The following DOCK9 variants were observed in gnomAD, a reference collection of about 807,000 sequenced individuals.
The protein encoded by DOCK9 is dedicator of cytokinesis 9.
DOCK9 carries 89 observed loss-of-function variants against 263.3 expected under a neutral mutation model. The observed-to-expected ratio is 0.34, with a 90% CI of 0.28 to 0.40. The LOEUF (loss-of-function observed/expected upper bound fraction) is 0.40. Among genes scored for constraint, DOCK9 ranks in the 10% least tolerant of loss-of-function variants. The pLI is 1.00. For synonymous variants in DOCK9, 976 were observed against 973.1 expected, an observed-to-expected ratio of 1.00 and a Z score of -0.06; for missense variants, 2,140 against 2,603.4, an observed-to-expected ratio of 0.82 and a Z score of 3.87.
Position 98,889,916 on chromosome 13 carries a change from T to C in DOCK9, c.1710-1205A>G, listed in dbSNP as rs376410154. Among the ~76,000 whole-genome samples, 4 of 152,340 alleles carry C rather than the reference T, an allele frequency of 2.6e-5. No individual in the cohort carries two copies. In the East Asian group the frequency reaches 5.8e-4, roughly 22 times the overall value. Reference sequence around the variant, plus strand: ...GTCTATTAACACAGCCTCAAAGCTATTACTTTTAGGTAGCCATACCATCCT... The same window carrying C: ...GTCTATTAACACAGCCTCAAAGCTACTACTTTTAGGTAGCCATACCATCCT... On this transcript the variant is annotated intron_variant, in intron 15 of 52. Transcript: ENST00000682017.
chr13:99,064,741 G>A lies in DOCK9; in HGVS notation c.129+21482C>T, dbSNP rs554411241. On this transcript the variant is annotated intron_variant, in intron 1 of 32. Transcript: ENST00000427887. ...AGTCAAAATGTCAGCTTTGAAGACA[G>A]TGGTGGAGAAGACAGCTGGTCGGGG... 9.7e-4 allele frequency among the ~76,000 whole-genome samples: 148 copies of A among 152,338 alleles called. 2 individuals carry two copies. The highest frequency in any genetic ancestry group is 3.4e-3 in the African/African-American group (141 of 41,574).
intron 45 of DOCK9, among the ~76,000 whole-genome samples, chr13:98,822,554 G>A (rs1455794138): frequency 6.6e-6 from 1 of 152,206 alleles, no homozygotes; most frequent in Admixed American, 6.5e-5. Context: ...ATGCAGTCAT[G>A]CCTCTTCTCA....
chr13:98,820,807 A>G (rs1221845403), intron 45 of DOCK9: 2 of 237,760 alleles, frequency 8.4e-6, no homozygotes, highest in Non-Finnish European at 1.7e-5. Flanking sequence ...TCCCTTAACC[A>G]TAAACATCTA....
chr13:98,838,561 A>G (rs2093095682), intron 38 of DOCK9, among the ~76,000 whole-genome samples: 1 of 152,240 alleles, frequency 6.6e-6, no homozygotes, highest in Non-Finnish European at 1.5e-5. Flanking sequence ...GCTTAGTCAC[A>G]CCTAATTTAA....
chr13:99,062,944 G>A (rs866113655), intron 1 of DOCK9, among the ~76,000 whole-genome samples: 2 of 152,272 alleles, frequency 1.3e-5, no homozygotes, highest in East Asian at 1.9e-4. Context: ...ACTACTCTGC[G>A]GGTGTTACCA....
chr13:98,976,615 T>C (rs753477703), intron 1 of DOCK9, among the ~76,000 whole-genome samples: 5 of 152,208 alleles, frequency 3.3e-5, no homozygotes, highest in African/African-American at 7.2e-5. Flanking sequence ...GGCTATTATA[T>C]TGGCAGCAAG....
intron 22 of DOCK9, 85 bp downstream of exon 22, chr13:98,883,728 C>G (rs2045219936): frequency 1.4e-5 from 11 of 778,618 alleles, no homozygotes; most frequent in Non-Finnish European, 2.2e-5. Flanking sequence ...AGTAATATAA[C>G]ACATTAGGAT....
chr13:98,800,617 G>A lies in DOCK9; in HGVS notation c.5726-139C>T. 8.3e-6 allele frequency: 8 copies of A among 967,600 alleles called. No homozygotes were observed. In the East Asian group the frequency reaches 2.1e-4, roughly 26 times the overall value. The allele number at this position is 967,600 out of a possible 1,614,324, so 59.9% of individuals were successfully genotyped here. Reference sequence around the variant, plus strand: ...AATAAGGAACCCAAAGCTTGCCAAAGACACATACTAGTACTTGATGGAGCT... The same window carrying A: ...AATAAGGAACCCAAAGCTTGCCAAAAACACATACTAGTACTTGATGGAGCT... On this transcript the variant is annotated intron_variant, in intron 49 of 52. Coordinates refer to ENST00000682017, the MANE Select transcript of DOCK9 (RefSeq NM_001366683.2).
At chr13:98,973,029 T>C (rs989535649) in intron 1 of DOCK9, among the ~76,000 whole-genome samples, 5 of 152,186 alleles carry the variant, frequency 3.3e-5, no homozygotes, top group African/African-American at 1.2e-4. Context: ...ATAAATAAAA[T>C]TTCCTGTTCT....
At position 98,922,073 on chromosome 13, in the gene DOCK9, C is replaced by T. The variant is rs1184277147; in HGVS notation, c.560G>A (p.Ser187Asn). 1 of 1,600,062 alleles carries T rather than the reference C, an allele frequency of 6.2e-7. No homozygotes were observed. Among genetic ancestry groups the T allele is most frequent in the Non-Finnish European group, 8.5e-7 (1 of 1,173,898 alleles). ...CACCCTCATGGTCACGCTGATGGCA[C>T]TGTTCATGTTGCCTTTGTACAGCCA... ...HGWLYKGNMN[S>N]AISVTMRSFK... Residue 187 changes from serine to asparagine, a missense_variant, in exon 6 of 53, where the codon AGT (serine) becomes AAT (asparagine). Ser to Asn is a conservative substitution (Grantham distance 46, BLOSUM62 1). Coordinates refer to ENST00000682017, the MANE Select transcript of DOCK9 (RefSeq NM_001366683.2).
chr13:99,018,236 C>T lies in DOCK9; in HGVS notation c.130-62685G>A, dbSNP rs142454204. ...TGGGACCTTCCAGTAGTGATTAGGG[C>T]AGAGCCTCACTGATTAATGGTGTTC... On this transcript the variant is annotated intron_variant, in intron 1 of 32. Coordinates refer to the DOCK9 transcript ENST00000427887. Among the ~76,000 whole-genome samples, 896 of 152,302 alleles carry T rather than the reference C, an allele frequency of 5.9e-3. 5 individuals carry two copies. Among genetic ancestry groups the T allele is most frequent in the Non-Finnish European group, 9.1e-3 (616 of 68,016 alleles).
intron 1 of DOCK9, among the ~76,000 whole-genome samples, chr13:99,056,600 T>C (rs2040934656): frequency 6.6e-6 from 1 of 152,138 alleles, no homozygotes; most frequent in South Asian, 2.1e-4. Flanking sequence ...TCTGGATGGA[T>C]TTATGTTTGG....
intron 18 of DOCK9, among the ~76,000 whole-genome samples, chr13:98,887,614 T>TAAA (rs2045971336): frequency 2.5e-4 from 2 of 8,096 alleles, no homozygotes; most frequent in Non-Finnish European, 2.2e-4. Context: ...AGACTCCATC[T>TAAA]CAAAAAAAAA....
intron 29 of DOCK9, among the ~76,000 whole-genome samples, 164 bp from the exon 30 acceptor site, chr13:98,867,700 T>C (rs1368902096): frequency 3.9e-5 from 6 of 152,020 alleles, no homozygotes; most frequent in African/African-American, 1.2e-4. Context: ...GCTGCAGGGA[T>C]TGATTTGAAA....
At chr13:98,814,658 G>T (rs1349086591) in intron 45 of DOCK9, among the ~76,000 whole-genome samples, 3 of 152,048 alleles carry the variant, frequency 2.0e-5, no homozygotes, top group Non-Finnish European at 4.4e-5. Context: ...CACCCATCTC[G>T]GCCTCCCTAA....
At chr13:98,909,405 A>G (rs2049649248) in intron 9 of DOCK9, among the ~76,000 whole-genome samples, 1 of 152,222 alleles carries the variant, frequency 6.6e-6, no homozygotes, top group African/African-American at 2.4e-5. Context: ...TTGCGAGTAG[A>G]TAAAACAATC....
chr13:98,870,172 A>G (rs939854719), intron 27 of DOCK9, among the ~76,000 whole-genome samples: 1 of 152,258 alleles, frequency 6.6e-6, no homozygotes, highest in Non-Finnish European at 1.5e-5. Context: ...CAGGCATTAT[A>G]TTATGCATTA....
At position 99,069,383 on chromosome 13, in the gene DOCK9, C is replaced by T. The variant is rs796349880; in HGVS notation, c.129+16840G>A. Among the ~76,000 whole-genome samples, 7 of 152,202 alleles carry T rather than the reference C, an allele frequency of 4.6e-5. 1 individual carries two copies. In the South Asian group the frequency reaches 1.2e-3, roughly 27 times the overall value. On this transcript the variant is annotated intron_variant, in intron 1 of 32. Coordinates refer to the DOCK9 transcript ENST00000427887. ...CTTGTAGAAACATGAATATCAATTT[C>T]ACCAACAAACTAGCTTGGGACTAAT... is the stretch of plus-strand genomic sequence containing the variant.
chr13:99,034,126 T>C (rs897785795), intron 1 of DOCK9, among the ~76,000 whole-genome samples: 1 of 152,012 alleles, frequency 6.6e-6, no homozygotes, highest in Non-Finnish European at 1.5e-5. Flanking sequence ...ATATCCAAAA[T>C]AGCAACACTA....
Sources: allele counts gnomAD v4.1 joint callset (sites outside exome capture counted in the v4.1 genomes callset), GRCh38; gene constraint gnomAD v4.1.1; transcripts MANE v1.5; gene names NCBI Gene and HGNC (gene_info 2026-07-23, HGNC 2026-07-21).